The following OXR1 variants were observed in gnomAD, a reference collection of about 807,000 sequenced individuals.
OXR1 encodes oxidation resistance 1, also known as oxidation resistance protein 1.
A neutral mutation model predicts 104.6 loss-of-function variants in OXR1; 41 were observed. The observed-to-expected ratio is 0.39, with a 90% CI of 0.31 to 0.51. OXR1 has a LOEUF of 0.51. Ranked by LOEUF, OXR1 falls within the 20% of genes least tolerant of loss-of-function variation. OXR1 has a pLI of 0.77. For missense variants in OXR1, 955 were observed against 1,031.9 expected (o/e 0.93, Z 1.02); for synonymous variants, 348 against 348.4 (o/e 1.00, Z 0.01).
intron 3 of OXR1, among the ~76,000 whole-genome samples, chr8:106,629,046 A>C (rs951887942): frequency 2.6e-5 from 4 of 152,200 alleles, no homozygotes; most frequent in Non-Finnish European, 4.4e-5. Context: ...AGAGTAAGAG[A>C]GAATGAAGAA....
At chr8:106,442,193 C>G (rs748703410) in intron 2 of OXR1, among the ~76,000 whole-genome samples, 4 of 152,074 alleles carry the variant, frequency 2.6e-5, no homozygotes, top group Non-Finnish European at 4.4e-5. Context: ...GTCTTTGGTT[C>G]TGTTTATGTG....
chr8:106,440,946 A>G (rs563845754), intron 2 of OXR1, among the ~76,000 whole-genome samples: 3 of 152,208 alleles, frequency 2.0e-5, no homozygotes, highest in Admixed American at 2.0e-4. Context: ...AGTATTAGCC[A>G]TTGCTTAATT....
intron 8 of OXR1, 33 bp downstream of exon 8, chr8:106,703,123 T>C: frequency 2.1e-6 from 3 of 1,424,000 alleles, no homozygotes; most frequent in Non-Finnish European, 2.0e-6. Flanking sequence ...TTTGCAACTT[T>C]ATTGTATCTA....
At chr8:106,340,870 C>G (rs1563726828) in intron 1 of OXR1, among the ~76,000 whole-genome samples, 1 of 151,926 alleles carries the variant, frequency 6.6e-6, no homozygotes, top group Non-Finnish European at 1.5e-5. Context: ...CTTAAAGCCT[C>G]TGTATTATTC....
intron 3 of OXR1, among the ~76,000 whole-genome samples, chr8:106,635,792 G>GAGTGATT (rs1216080277): frequency 6.6e-6 from 1 of 152,138 alleles, no homozygotes; most frequent in African/African-American, 2.4e-5. Flanking sequence ...CTTATAGTAA[G>GAGTGATT]AGTGATTAAT....
intron 2 of OXR1, among the ~76,000 whole-genome samples, chr8:106,517,504 A>C (rs2130093841): frequency 6.6e-6 from 1 of 152,328 alleles, no homozygotes; most frequent in South Asian, 2.1e-4. Context: ...ATAAAAATAC[A>C]TGCCTTGAAC....
chr8:106,433,454 C>T (rs28373035), intron 2 of OXR1, among the ~76,000 whole-genome samples: 3 of 151,982 alleles, frequency 2.0e-5, no homozygotes, highest in Non-Finnish European at 2.9e-5. Flanking sequence ...CAAATCTTGT[C>T]GCTAATTTGT....
At chr8:106,451,050 A>T (rs1055726621) in intron 2 of OXR1, among the ~76,000 whole-genome samples, 6 of 152,158 alleles carry the variant, frequency 3.9e-5, no homozygotes, top group Admixed American at 3.9e-4. Context: ...AAGGCTAAAG[A>T]TGTTGAGCCT....
rs1828480888 is a variant in OXR1, at chr8:106,684,351, A to G, written c.517A>G (p.Lys173Glu). ...AACATCATCTGAGGCTGAATTTGAT[A>G]AGACCACTGTAAGTATCTCTGCTTT... is the stretch of plus-strand genomic sequence containing the variant. Reference protein sequence around the residue: ...SPTSSEAEFDKTTNPDVHPTE... With the variant: ...SPTSSEAEFDETTNPDVHPTE... The change falls in exon 6 of 17, where the codon AAG becomes GAG. Residue 173 changes from lysine to glutamate, a missense_variant. Physicochemically the swap from Lys to Glu is moderately conservative, Grantham distance 56 (BLOSUM62 1). Transcript: ENST00000517566. The G allele has an allele frequency of 2.0e-6, 3 of 1,523,280 alleles. No individual in the cohort carries two copies. Among genetic ancestry groups the G allele is most frequent in the African/African-American group, 1.4e-5 (1 of 73,024 alleles). The allele number at this position is 1,523,280 out of a possible 1,614,324, so 94.4% of individuals were successfully genotyped here. A position where few individuals can be genotyped will look rare whatever the true frequency, so the allele number is the denominator to read the frequency against.
intron 3 of OXR1, among the ~76,000 whole-genome samples, chr8:106,637,582 G>C (rs1168321633): frequency 6.6e-6 from 1 of 152,078 alleles, no homozygotes; most frequent in Non-Finnish European, 1.5e-5. Context: ...ACCTTGGGGA[G>C]GAAAGTCAAT....
At chr8:106,316,168 T>G (rs552431154) in intron 1 of OXR1, among the ~76,000 whole-genome samples, 1 of 152,192 alleles carries the variant, frequency 6.6e-6, no homozygotes, top group Admixed American at 6.5e-5. Flanking sequence ...TTCAGAAATA[T>G]AGGCACACAT....
chr8:106,307,897 A>G (rs1335904742), intron 1 of OXR1, among the ~76,000 whole-genome samples: 1 of 152,084 alleles, frequency 6.6e-6, no homozygotes, highest in Non-Finnish European at 1.5e-5. Context: ...TCATATGTCC[A>G]TTTTCTGAAA....
At position 106,740,361 on chromosome 8, in the gene OXR1, C is replaced by G; in HGVS notation, c.2182C>G (p.Pro728Ala). Residue 728 changes from proline to alanine, a missense_variant, in exon 14 of 17, where the codon CCA becomes GCA. Physicochemically the swap from Pro to Ala is conservative, Grantham distance 27. Transcript: ENST00000517566. ...QIEKLTKHLP[P>A]RTIGYPWTLV... The stretch of plus-strand genomic sequence containing the variant: ...TCTAAAGCTTACCAAGCATCTTCCA[C>G]CAAGAACAATTGGCTATCCATGGAC... 1 of 1,611,248 alleles carries G rather than the reference C, an allele frequency of 6.2e-7. No homozygotes were observed. The highest frequency in any genetic ancestry group is 1.1e-5 in the South Asian group (1 of 90,752).
At chr8:106,656,741 T>A (rs893678544) in intron 3 of OXR1, among the ~76,000 whole-genome samples, 2 of 151,436 alleles carry the variant, frequency 1.3e-5, no homozygotes, top group South Asian at 2.1e-4. Context: ...ATGGCTGATA[T>A]TAGAATGGTG....
At chr8:106,517,645 T>A (rs1218611018) in intron 2 of OXR1, among the ~76,000 whole-genome samples, 3 of 152,178 alleles carry the variant, frequency 2.0e-5, no homozygotes, top group African/African-American at 7.2e-5. Context: ...TTTTAGCCAC[T>A]GTGGTGGGTG....
intron 3 of OXR1, among the ~76,000 whole-genome samples, chr8:106,621,957 C>T (rs1272875535): frequency 2.0e-5 from 3 of 152,160 alleles, no homozygotes. Context: ...ACATCAGACC[C>T]ACTTGATGTT....
At chr8:106,362,221 G>T (rs1816278295) in intron 2 of OXR1, among the ~76,000 whole-genome samples, 1 of 152,106 alleles carries the variant, frequency 6.6e-6, no homozygotes, top group African/African-American at 2.4e-5. Context: ...AAAACTTCCT[G>T]CAATCTGTGA....
In OXR1 at chr8:106,751,035, T is replaced by C. The variant is rs1835855778; in HGVS notation, c.*94T>C. The C allele has an allele frequency of 8.1e-6, 7 of 868,376 alleles. No homozygotes were observed. Among genetic ancestry groups the C allele is most frequent in the Admixed American group, 5.3e-5 (2 of 37,408 alleles). 53.8% of individuals were successfully genotyped at this position (868,376 alleles called of 1,614,324 possible). A position where few individuals can be genotyped will look rare whatever the true frequency, so the allele number is the denominator to read the frequency against. On this transcript the variant is annotated 3_prime_UTR_variant, in exon 17 of 17. Transcript: ENST00000517566. The stretch of plus-strand genomic sequence containing the variant: ...TCAAGAAGCAATACAGTGTAACATG[T>C]CACTTGTGCTTTAAAATTAGTCTGT...
At chr8:106,400,617 T>C (rs551968720) in intron 2 of OXR1, among the ~76,000 whole-genome samples, 1 of 152,268 alleles carries the variant, frequency 6.6e-6, no homozygotes, top group African/African-American at 2.4e-5. Flanking sequence ...ATAGCTAGAG[T>C]TGGCAGATTA....
Sources: gnomAD v4.1 joint callset for allele counts (sites outside exome capture counted in the v4.1 genomes callset) on GRCh38, gnomAD v4.1.1 for gene constraint, MANE v1.5 for transcripts, NCBI Gene and HGNC (gene_info 2026-07-23, HGNC 2026-07-21) for gene names.